ITGAV: variants seen among roughly 807,000 people sequenced by gnomAD.
ITGAV encodes integrin alpha-V.
In ITGAV, 76 loss-of-function variants were observed where a neutral mutation model predicts 143.8. The ratio of observed to expected loss-of-function variants is 0.53; its 90% confidence interval spans 0.44 to 0.64. The LOEUF (loss-of-function observed/expected upper bound fraction) is 0.64. Among genes scored for constraint, ITGAV ranks in the 30% least tolerant of loss-of-function variants. The pLI is 0.00. For synonymous variants in ITGAV, 453 were observed against 446.7 expected, an observed-to-expected ratio of 1.01 and a Z score of -0.18; for missense variants, 1,193 against 1,274.7, an observed-to-expected ratio of 0.94 and a Z score of 0.98.
intron 1 of ITGAV, among the ~76,000 whole-genome samples, chr2:186,598,259 A>T (rs1686800307): frequency 6.7e-6 from 1 of 150,372 alleles, no homozygotes; most frequent in African/African-American, 2.5e-5. Flanking sequence ...TAGAAAAAAA[A>T]TTGTATATGT....
At chr2:186,613,734 C>G (rs1687279834) in intron 2 of ITGAV, among the ~76,000 whole-genome samples, 1 of 152,080 alleles carries the variant, frequency 6.6e-6, no homozygotes, top group Non-Finnish European at 1.5e-5. Flanking sequence ...GTTCTAATAT[C>G]TTACCACTAC....
chr2:186,622,814 G>A (rs1225585841), intron 3 of ITGAV, among the ~76,000 whole-genome samples: 1 of 151,954 alleles, frequency 6.6e-6, no homozygotes, highest in Non-Finnish European at 1.5e-5. Context: ...CCAGGCTGGA[G>A]TGCAGTGGTG....
chr2:186,665,185 T>C lies in ITGAV; in HGVS notation c.2133T>C (p.Cys711=), dbSNP rs748516530. 6.2e-7 allele frequency: 1 copy of C among 1,612,974 alleles called. No individual in the cohort carries two copies. Among genetic ancestry groups the C allele is most frequent in the East Asian group, 2.2e-5 (1 of 44,834 alleles). The part of the protein sequence containing the change: ...KTENQTRQVV[C]DLGNPMKAGT... ...AAAACCAAACTCGCCAGGTGGTATG[T>C]GACCTTGGAAACCCAATGAAGGCTG... Residue 711 remains cysteine (C), a synonymous_variant, in exon 21 of 30, where the codon TGT becomes TGC. Coordinates refer to ENST00000261023, the MANE Select transcript of ITGAV (RefSeq NM_002210.5).
At chr2:186,640,778 CAAAAG>C in intron 10 of ITGAV, 132 bp from the exon 11 acceptor site, 1 of 664,574 alleles carries the variant, frequency 1.5e-6, no homozygotes, top group Non-Finnish European at 2.6e-6. Context: ...GTAGAATAAA[CAAAAG>C]ACAAGACATT....
intron 6 of ITGAV, among the ~76,000 whole-genome samples, chr2:186,635,837 A>G (rs1687932239): frequency 6.6e-6 from 1 of 152,198 alleles, no homozygotes; most frequent in Non-Finnish European, 1.5e-5. Flanking sequence ...GTGATTTAAG[A>G]CAAGTCCTGT....
In ITGAV at chr2:186,679,553, A is replaced by G. The variant is rs1446168411; in HGVS notation, c.*2261A>G. 1.3e-5 allele frequency: 2 copies of G among 151,946 alleles called. No homozygotes were observed. Among genetic ancestry groups the G allele is most frequent in the Non-Finnish European group, 2.9e-5 (2 of 67,858 alleles). 9.4% of individuals were successfully genotyped at this position (151,946 alleles called of 1,614,324 possible). On this transcript the variant is annotated 3_prime_UTR_variant, in exon 30 of 30. Coordinates refer to ENST00000261023, the MANE Select transcript of ITGAV (RefSeq NM_002210.5). ...TGCCCTATGAAAACTTTAAATCTCT[A>G]AAACATTTGAAATACTACCATATTT...
At chr2:186,665,277 T>A in intron 21 of ITGAV, 59 bp downstream of exon 21, 1 of 1,061,938 alleles carries the variant, frequency 9.4e-7, no homozygotes, top group Non-Finnish European at 1.5e-6. Flanking sequence ...CATATTGTTG[T>A]CTGGGCTCAT....
intron 19 of ITGAV, 107 bp downstream of exon 19, chr2:186,663,942 G>T (rs1210989137): frequency 2.8e-6 from 2 of 724,696 alleles, no homozygotes; most frequent in Middle Eastern, 3.2e-4. Flanking sequence ...ATCCTGGAGG[G>T]TAATGCCTGA....
At chr2:186,661,209 A>G (rs922819339) in intron 18 of ITGAV, among the ~76,000 whole-genome samples, 3 of 152,328 alleles carry the variant, frequency 2.0e-5, no homozygotes, top group African/African-American at 7.2e-5. Context: ...ACACATCTAA[A>G]TTCAAATATT....
At chr2:186,597,275 T>G (rs781140598) in intron 1 of ITGAV, among the ~76,000 whole-genome samples, 2 of 152,222 alleles carry the variant, frequency 1.3e-5, no homozygotes, top group Non-Finnish European at 2.9e-5. Flanking sequence ...TGTCTTATAG[T>G]GCCAAGTAAA....
chr2:186,643,223 C>A (rs1235347260), intron 12 of ITGAV, among the ~76,000 whole-genome samples: 1 of 152,108 alleles, frequency 6.6e-6, no homozygotes, highest in African/African-American at 2.4e-5. Flanking sequence ...TTCCAGCTTT[C>A]TAAGTTTTTG....
In ITGAV at chr2:186,678,260, T is replaced by G. The variant is rs114785095; in HGVS notation, c.*968T>G. On this transcript the variant is annotated 3_prime_UTR_variant, in exon 30 of 30. Transcript: ENST00000261023. ...AGCAGAGTTTTTAGTTAGTATTAAT[T>G]TATTTTCCTCCATTCATGTACTTTT... The G allele has an allele frequency of 6.5e-6, 1 of 153,426 alleles. No individual in the cohort carries two copies. The highest frequency in any genetic ancestry group is 2.4e-5 in the African/African-American group (1 of 41,592). The allele number at this position is 153,426 out of a possible 1,614,324, so 9.5% of individuals were successfully genotyped here. A position where few individuals can be genotyped will look rare whatever the true frequency, so the allele number is the denominator to read the frequency against.
rs567170387 is a variant in ITGAV, at chr2:186,649,393, G to T, written c.1352-447G>T. 7.9e-5 allele frequency among the ~76,000 whole-genome samples: 12 copies of T among 151,914 alleles called. No individual in the cohort carries two copies. The East Asian group carries it at 2.3e-3, about 29-fold the overall frequency. On this transcript the variant is annotated intron_variant, in intron 13 of 29. Transcript: ENST00000261023. ...TGAACCAGTTGAACCTGTGGCATAT[G>T]AAAACTAATGCATTTCATTCTTGCT... is the stretch of plus-strand genomic sequence containing the variant.
At chr2:186,613,541 A>G (rs1174924738) in intron 2 of ITGAV, among the ~76,000 whole-genome samples, 2 of 152,148 alleles carry the variant, frequency 1.3e-5, no homozygotes, top group Admixed American at 6.5e-5. Flanking sequence ...ACACTTTTGC[A>G]TGTCCATGGA....
At chr2:186,647,244 T>TC (rs1420272332) in intron 13 of ITGAV, among the ~76,000 whole-genome samples, 1 of 151,896 alleles carries the variant, frequency 6.6e-6, no homozygotes, top group Admixed American at 6.6e-5. Context: ...TGTGATTTTT[T>TC]TTTTTTTTTA....
At chr2:186,653,402 G>A (rs944353013) in intron 15 of ITGAV, among the ~76,000 whole-genome samples, 1 of 152,114 alleles carries the variant, frequency 6.6e-6, no homozygotes, top group African/African-American at 2.4e-5. Context: ...CACTATTCAT[G>A]TTCCTTACTT....
chr2:186,651,159 T>C (rs1248371685), intron 14 of ITGAV, among the ~76,000 whole-genome samples: 1 of 152,200 alleles, frequency 6.6e-6, no homozygotes, highest in African/African-American at 2.4e-5. Context: ...TGTTTATATA[T>C]CTATGATCTG....
intron 15 of ITGAV, among the ~76,000 whole-genome samples, chr2:186,653,007 G>A (rs920172814): frequency 7.2e-6 from 1 of 139,464 alleles, no homozygotes; most frequent in Non-Finnish European, 1.5e-5. Flanking sequence ...CTGCAGTGGC[G>A]CAATCTCGGC....
intron 1 of ITGAV, 40 bp from the exon 2 acceptor site, chr2:186,601,981 T>C (rs1487504158): frequency 1.3e-6 from 2 of 1,590,250 alleles, no homozygotes; most frequent in African/African-American, 1.4e-5. Flanking sequence ...GCTTACACTT[T>C]GTTTCATTTA....
Sources: allele counts gnomAD v4.1 joint callset (sites outside exome capture counted in the v4.1 genomes callset), GRCh38; gene constraint gnomAD v4.1.1; transcripts MANE v1.5; gene names NCBI Gene and HGNC (gene_info 2026-07-23, HGNC 2026-07-21).